The following CAMK2D variants were observed in gnomAD, a reference collection of about 807,000 sequenced individuals.
CAMK2D encodes calcium/calmodulin dependent protein kinase II delta.
In CAMK2D, 37 loss-of-function variants were observed where a neutral mutation model predicts 84.0. That is an observed-to-expected ratio of 0.44 (90% confidence interval 0.34 to 0.58). The LOEUF (loss-of-function observed/expected upper bound fraction) is 0.58. Ranked by LOEUF, CAMK2D falls within the 20% of genes least tolerant of loss-of-function variation. CAMK2D has a pLI of 0.02. For synonymous variants in CAMK2D, 202 were observed against 212.5 expected (o/e 0.95, Z 0.43); for missense variants, 448 against 652.5 (o/e 0.69, Z 3.41).
intron 2 of CAMK2D, among the ~76,000 whole-genome samples, chr4:113,691,589 T>C (rs982541141): frequency 1.3e-5 from 2 of 151,794 alleles, no homozygotes; most frequent in East Asian, 3.9e-4. Flanking sequence ...ACCGTCTCTA[T>C]GAAAAGTACA....
At chr4:113,746,849 G>A (rs2099605204) in intron 2 of CAMK2D, among the ~76,000 whole-genome samples, 2 of 151,296 alleles carry the variant, frequency 1.3e-5, no homozygotes, top group South Asian at 4.2e-4. Flanking sequence ...TCTGGAATTA[G>A]GATTTTTCCC....
intron 3 of CAMK2D, among the ~76,000 whole-genome samples, chr4:113,632,952 T>A (rs2099095946): frequency 6.6e-6 from 1 of 152,218 alleles, no homozygotes; most frequent in Non-Finnish European, 1.5e-5. Flanking sequence ...AAGTCAGCCT[T>A]ATGGTTTTCA....
chr4:113,749,203 T>TA (rs1340128992), intron 2 of CAMK2D, among the ~76,000 whole-genome samples: 1 of 151,700 alleles, frequency 6.6e-6, no homozygotes, highest in Non-Finnish European at 1.5e-5. Flanking sequence ...GTATTAGAAA[T>TA]ATGTCTCTAA....
chr4:113,508,349 G>A, intron 13 of CAMK2D: 3 of 1,051,802 alleles, frequency 2.9e-6, no homozygotes, highest in East Asian at 2.6e-5. Flanking sequence ...ATGGAGTATA[G>A]AATAATTTTG....
intron 4 of CAMK2D, among the ~76,000 whole-genome samples, chr4:113,557,533 G>A (rs944696311): frequency 6.6e-5 from 10 of 152,190 alleles, no homozygotes; most frequent in Admixed American, 5.2e-4. Flanking sequence ...TTGAAAGTAA[G>A]TGGTCTTTCT....
chr4:113,716,649 C>CAAAAA (rs397750449), intron 2 of CAMK2D, among the ~76,000 whole-genome samples: 11 of 76,120 alleles, frequency 1.4e-4, no homozygotes, highest in Admixed American at 1.7e-4. Context: ...AGACTCCATC[C>CAAAAA]AAAAAAAAAA....
At chr4:113,653,830 T>C (rs929894185) in intron 3 of CAMK2D, among the ~76,000 whole-genome samples, 3 of 151,882 alleles carry the variant, frequency 2.0e-5, no homozygotes, top group Non-Finnish European at 2.9e-5. Flanking sequence ...ATTGTATGGG[T>C]TCCTTACAGA....
intron 3 of CAMK2D, among the ~76,000 whole-genome samples, chr4:113,655,756 A>G (rs762597808): frequency 6.6e-6 from 1 of 152,106 alleles, no homozygotes; most frequent in African/African-American, 2.4e-5. Flanking sequence ...GGACAATCAG[A>G]TAAGTCAGAT....
intron 2 of CAMK2D, chr4:113,755,207 CAA>C: frequency 1.1e-5 from 3 of 266,184 alleles, no homozygotes; most frequent in Non-Finnish European, 1.7e-5. Context: ...CACACACACA[CAA>C]AACATTTAGA....
intron 4 of CAMK2D, among the ~76,000 whole-genome samples, chr4:113,558,912 G>A (rs1328751680): frequency 6.6e-6 from 1 of 152,096 alleles, no homozygotes; most frequent in Non-Finnish European, 1.5e-5. Context: ...AGCCTGCGAG[G>A]CTGAGGCTGC....
chr4:113,537,875 A>T (rs1296870890), intron 6 of CAMK2D, among the ~76,000 whole-genome samples: 1 of 152,222 alleles, frequency 6.6e-6, no homozygotes, highest in Non-Finnish European at 1.5e-5. Context: ...TTGGCAAATG[A>T]AACTGTGCAA....
chr4:113,493,649 T>C (rs969725277), intron 16 of CAMK2D, among the ~76,000 whole-genome samples: 5 of 152,006 alleles, frequency 3.3e-5, no homozygotes, highest in Admixed American at 6.5e-5. Flanking sequence ...AGGAGTATCT[T>C]TGTGGTGTTC....
rs533095753 is a variant in CAMK2D at position 113,731,824 on chromosome 4, T to A, written c.160+27496A>T. Among the ~76,000 whole-genome samples, 118 of 152,224 alleles carry A rather than the reference T, an allele frequency of 7.8e-4. 1 individual carries two copies. The highest frequency in any genetic ancestry group is 2.8e-3 in the African/African-American group (115 of 41,548). ...TGGTCTCAAACTCCTGACCTCATGA[T>A]CCGCCTGCCTCGGCCTTCCAAAGTG... On this transcript the variant is annotated intron_variant, in intron 2 of 20. Coordinates refer to ENST00000511664, the MANE Select transcript of CAMK2D (RefSeq NM_001321571.2).
At chr4:113,493,347 A>G in intron 16 of CAMK2D, among the ~76,000 whole-genome samples, 1 of 151,540 alleles carries the variant, frequency 6.6e-6, no homozygotes, top group Non-Finnish European at 1.5e-5. Flanking sequence ...GGTGGTGACA[A>G]AATCTCTCAG....
intron 3 of CAMK2D, among the ~76,000 whole-genome samples, chr4:113,657,515 CAT>C (rs947760397): frequency 9.2e-5 from 14 of 151,718 alleles, no homozygotes; most frequent in Non-Finnish European, 1.5e-5. Flanking sequence ...TGAAAATTAG[CAT>C]ATATATATAA....
At chr4:113,604,010 A>G (rs185798519) in intron 4 of CAMK2D, among the ~76,000 whole-genome samples, 2 of 151,952 alleles carry the variant, frequency 1.3e-5, no homozygotes, top group East Asian at 3.9e-4. Context: ...GATTTTTTAG[A>G]AAGTAAAAAT....
chr4:113,470,620 G>C (rs1310755397), intron 16 of CAMK2D, among the ~76,000 whole-genome samples: 3 of 148,566 alleles, frequency 2.0e-5, no homozygotes, highest in South Asian at 4.3e-4. Flanking sequence ...CCTGGTGACA[G>C]AGCGAGACTT....
chr4:113,567,235 T>C (rs2098729841), intron 4 of CAMK2D, among the ~76,000 whole-genome samples: 1 of 151,012 alleles, frequency 6.6e-6, no homozygotes, highest in Non-Finnish European at 1.5e-5. Context: ...TGGTGCAATC[T>C]TGGCTCACTG....
chr4:113,553,947 T>C (rs2098647225), intron 4 of CAMK2D, among the ~76,000 whole-genome samples: 1 of 152,196 alleles, frequency 6.6e-6, no homozygotes, highest in Non-Finnish European at 1.5e-5. Context: ...TGATGTATTA[T>C]AGATATAATA....
Sources: allele counts gnomAD v4.1 joint callset (sites outside exome capture counted in the v4.1 genomes callset), GRCh38; gene constraint gnomAD v4.1.1; transcripts MANE v1.5; gene names NCBI Gene and HGNC (gene_info 2026-07-23, HGNC 2026-07-21).